TBC1D32: variants seen among roughly 807,000 people sequenced by gnomAD.
TBC1D32 encodes protein broad-minded.
TBC1D32 carries 151 observed loss-of-function variants against 170.3 expected under a neutral mutation model. The ratio of observed to expected loss-of-function variants is 0.89; its 90% CI spans 0.78 to 1.01. TBC1D32 has a LOEUF of 1.01. Among genes scored for constraint, TBC1D32 ranks in the 50% least tolerant of loss-of-function variants. The pLI, the probability that TBC1D32 is intolerant of heterozygous loss-of-function variation, is 0.00. For missense variants in TBC1D32, 1,464 were observed against 1,457.1 expected (o/e 1.00, Z -0.08); for synonymous variants, 498 against 488.0 (o/e 1.02, Z -0.27).
intron 22 of TBC1D32, among the ~76,000 whole-genome samples, chr6:121,203,244 T>C (rs1241635556): frequency 6.6e-6 from 1 of 151,330 alleles, no homozygotes; most frequent in African/African-American, 2.5e-5. Flanking sequence ...ATTATTAGCT[T>C]AAAATGTATG....
chr6:121,111,350 T>G (rs911321102), intron 29 of TBC1D32, among the ~76,000 whole-genome samples: 1 of 152,182 alleles, frequency 6.6e-6, no homozygotes, highest in Admixed American at 6.5e-5. Context: ...TAGTGGAATG[T>G]AGACATTACT....
chr6:121,139,939 T>C (rs1477640402), intron 24 of TBC1D32: 1 of 152,080 alleles, frequency 6.6e-6, no homozygotes, highest in Non-Finnish European at 1.5e-5. Context: ...CTATAAAATA[T>C]TTAAAATAAA....
At chr6:121,092,848 G>C (rs1582730202) in intron 30 of TBC1D32, among the ~76,000 whole-genome samples, 1 of 152,112 alleles carries the variant, frequency 6.6e-6, no homozygotes, top group Non-Finnish European at 1.5e-5. Flanking sequence ...CTGAAGTAGT[G>C]GGGTTAGGAT....
chr6:121,285,718 C>T (rs955300872), intron 12 of TBC1D32, among the ~76,000 whole-genome samples: 4 of 152,162 alleles, frequency 2.6e-5, no homozygotes, highest in Non-Finnish European at 5.9e-5. Flanking sequence ...CCCCGAGTAG[C>T]CTAACTGGGA....
intron 1 of TBC1D32, among the ~76,000 whole-genome samples, chr6:121,331,924 A>C (rs1045526448): frequency 1.3e-5 from 2 of 152,216 alleles, no homozygotes; most frequent in East Asian, 1.9e-4. Context: ...AATGACTTTT[A>C]GGATTCTATG....
intron 12 of TBC1D32, among the ~76,000 whole-genome samples, chr6:121,286,977 T>A (rs537910575): frequency 2.0e-5 from 3 of 152,120 alleles, no homozygotes; most frequent in Admixed American, 6.5e-5. Context: ...CCACCAGGCC[T>A]GCCCTAAAAG....
intron 14 of TBC1D32, 109 bp from the exon 15 acceptor site, chr6:121,279,354 CA>C (rs1311852455): frequency 1.6e-6 from 2 of 1,241,012 alleles, no homozygotes; most frequent in Non-Finnish European, 1.1e-6. Flanking sequence ...TATATTACAA[CA>C]AAAAACAAGC....
intron 20 of TBC1D32, among the ~76,000 whole-genome samples, chr6:121,231,738 G>A (rs1206029056): frequency 3.3e-5 from 5 of 152,036 alleles, no homozygotes; most frequent in African/African-American, 4.8e-5. Context: ...GTCTATTCAC[G>A]TCCTCAGCCC....
In TBC1D32 at chr6:121,239,141, C is replaced by T; in HGVS notation, c.2293G>A (p.Gly765Arg). ...ITELWSNLEY[G>R]RDDVRVTHPR... is the part of the protein sequence containing the mutation. The stretch of plus-strand genomic sequence containing the variant: ...TGGGTTACCCTAACATCATCTCTTC[C>T]ATATTCCAGATTGGACCATAATTCA... The change falls in exon 20 of 32, where the codon GGA (glycine) becomes AGA (arginine). Residue 765 changes from glycine (G) to arginine (R), a missense_variant. This residue lies in a region of TBC1D32 where 1,363 missense variants were observed against 1,338.1 expected (regional missense o/e 1.02). Coordinates refer to ENST00000398212, the MANE Select transcript of TBC1D32 (RefSeq NM_152730.6). The T allele has an allele frequency of 3.1e-6, 5 of 1,605,160 alleles. No individual in the cohort carries two copies. The highest frequency in any genetic ancestry group is 4.3e-6 in the Non-Finnish European group (5 of 1,173,914).
At chr6:121,113,851 C>T (rs7756653) in intron 27 of TBC1D32, among the ~76,000 whole-genome samples, 11,779 of 152,086 alleles carry the variant, frequency 0.077, 902 homozygotes, top group African/African-American at 0.2. Flanking sequence ...ACTTTTGAAA[C>T]CTTACTAATA....
At chr6:121,086,270 C>T (rs559082301) in intron 31 of TBC1D32, among the ~76,000 whole-genome samples, 1 of 152,134 alleles carries the variant, frequency 6.6e-6, no homozygotes, top group Admixed American at 6.5e-5. Context: ...GCAATGTACT[C>T]GAGCTCACAC....
intron 12 of TBC1D32, among the ~76,000 whole-genome samples, chr6:121,288,712 T>C (rs1475939982): frequency 1.3e-5 from 2 of 152,096 alleles, no homozygotes; most frequent in Non-Finnish European, 2.9e-5. Context: ...AAAGAGAATT[T>C]TAGACCAATA....
rs1802658738 is a variant in TBC1D32 at position 121,279,252 on chromosome 6, A to G, written c.1609-7T>C. ...CAGAGCAATTTGGAGATGCCTGTAC[A>G]TTAAAAAGAAAACAAGACAAATCAC... On this transcript the variant is annotated splice_polypyrimidine_tract_variant and splice_region_variant and intron_variant, in intron 14 of 31. Transcript: ENST00000398212. 2 of 1,597,620 alleles carry G rather than the reference A, an allele frequency of 1.3e-6. No homozygotes were observed. Among genetic ancestry groups the G allele is most frequent in the Non-Finnish European group, 1.7e-6 (2 of 1,175,710 alleles).
At chr6:121,151,874 T>C (rs1784262630) in intron 24 of TBC1D32, among the ~76,000 whole-genome samples, 1 of 152,204 alleles carries the variant, frequency 6.6e-6, no homozygotes, top group South Asian at 2.1e-4. Context: ...GTCCATGCCT[T>C]TATTTTGAGC....
At chr6:121,259,875 A>C (rs957273385) in intron 15 of TBC1D32, among the ~76,000 whole-genome samples, 1 of 152,158 alleles carries the variant, frequency 6.6e-6, no homozygotes. Flanking sequence ...CCAACATTTC[A>C]TGCAGCTAAC....
At chr6:121,236,910 C>A (rs1796401385) in intron 20 of TBC1D32, 1 of 151,930 alleles carries the variant, frequency 6.6e-6, no homozygotes, top group African/African-American at 2.4e-5. Context: ...TTTTAAAAAA[C>A]CAATCATATG....
chr6:121,271,259 C>A (rs1801370394), intron 15 of TBC1D32, among the ~76,000 whole-genome samples: 1 of 152,090 alleles, frequency 6.6e-6, no homozygotes, highest in Non-Finnish European at 1.5e-5. Flanking sequence ...GAAGTTCTGG[C>A]CAGGGCAATC....
At chr6:121,154,438 C>T (rs1206292337) in intron 24 of TBC1D32, among the ~76,000 whole-genome samples, 6 of 152,158 alleles carry the variant, frequency 3.9e-5, no homozygotes, top group South Asian at 2.1e-4. Flanking sequence ...TCCTATTACG[C>T]CATCTTGTCA....
intron 12 of TBC1D32, among the ~76,000 whole-genome samples, chr6:121,290,204 C>T (rs113780507): frequency 0.12 from 17,643 of 152,056 alleles, 1,473 homozygotes; most frequent in Admixed American, 0.23. Context: ...CCATCAGAGT[C>T]AATGGGCAAC....
Sources: allele counts gnomAD v4.1 joint callset (sites outside exome capture counted in the v4.1 genomes callset), GRCh38; gene constraint gnomAD v4.1.1; regional missense constraint gnomAD v4.1.1; transcripts MANE v1.5; gene names NCBI Gene and HGNC (gene_info 2026-07-23, HGNC 2026-07-21).